Variants in BAZ2B observed in about 807,000 individuals in gnomAD.
BAZ2B encodes the protein bromodomain adjacent to zinc finger domain protein 2B.
A neutral mutation model predicts 246.0 loss-of-function variants in BAZ2B; 91 were observed. The observed-to-expected ratio is 0.37, with a 90% CI of 0.31 to 0.44. The LOEUF (loss-of-function observed/expected upper bound fraction) is 0.44. Among genes scored for constraint, BAZ2B ranks in the 20% least tolerant of loss-of-function variants. The pLI, the probability that BAZ2B is intolerant of heterozygous loss-of-function variation, is 1.00. For missense variants in BAZ2B, 2,332 were observed against 2,533.7 expected (o/e 0.92, Z 1.71); for synonymous variants, 855 against 860.0 (o/e 0.99, Z 0.10).
In BAZ2B at chr2:159,320,453, T is replaced by C. The variant is rs374903873; in HGVS notation, c.6354-35A>G. On this transcript the variant is annotated intron_variant, in intron 36 of 36. Coordinates refer to ENST00000392783, the MANE Select transcript of BAZ2B (RefSeq NM_013450.4). ...AACAAATAATTAGAGATTGCGTTCATAGAGTGGATTTGTTTTGTAAACAAA... is the reference window on the plus strand; with the variant it reads ...AACAAATAATTAGAGATTGCGTTCACAGAGTGGATTTGTTTTGTAAACAAA... 10 of 1,504,828 alleles carry C rather than the reference T, an allele frequency of 6.6e-6. No homozygotes were observed. The African/African-American group carries it at 8.7e-5, about 13-fold the overall frequency. 93.2% of individuals were successfully genotyped at this position (1,504,828 alleles called of 1,614,324 possible). A position where few individuals can be genotyped will look rare whatever the true frequency, so the allele number is the denominator to read the frequency against.
intron 3 of BAZ2B, among the ~76,000 whole-genome samples, chr2:159,458,171 C>T (rs1182680162): frequency 1.3e-5 from 2 of 151,682 alleles, no homozygotes; most frequent in Non-Finnish European, 2.9e-5. Context: ...CTACGTCCAG[C>T]TAATTTTTTT....
intron 22 of BAZ2B, 69 bp downstream of exon 22, chr2:159,386,280 TAATA>T: frequency 7.2e-7 from 1 of 1,384,310 alleles, no homozygotes; most frequent in Non-Finnish European, 9.7e-7. Flanking sequence ...AATCTTCTGC[TAATA>T]TGCTAAAGCT....
chr2:159,419,793 G>C (rs2068419268), intron 13 of BAZ2B: 1 of 152,204 alleles, frequency 6.6e-6, no homozygotes, highest in South Asian at 2.1e-4. Context: ...GTAGATTAGT[G>C]ACATAAATTT....
chr2:159,345,326 G>A (rs2067597743), intron 31 of BAZ2B, among the ~76,000 whole-genome samples: 1 of 125,764 alleles, frequency 8.0e-6, no homozygotes, highest in Admixed American at 9.0e-5. Context: ...GTAGCTAAAG[G>A]AGGATATTAT....
At chr2:159,711,683 T>C in the BAZ2B span, among the ~76,000 whole-genome samples, 2 of 152,360 alleles carry the variant, frequency 1.3e-5, no homozygotes, top group Non-Finnish European at 2.9e-5. Flanking sequence ...CATAGTTAGA[T>C]GTAGCTTTTC....
At position 159,398,898 on chromosome 2, in the gene BAZ2B, T is replaced by A; in HGVS notation, c.2899-4A>T. ...CTTCCTTCTTTTTCTTTTTAGCCTG[T>A]GCATGCAAAACAGGTCTCAAAGTCA... On this transcript the variant is annotated splice_polypyrimidine_tract_variant and splice_region_variant and intron_variant, in intron 17 of 36. Transcript: ENST00000392783. 1.9e-6 allele frequency: 3 copies of A among 1,609,160 alleles called. No individual in the cohort carries two copies. In the South Asian group the frequency reaches 3.3e-5, roughly 18 times the overall value.
At chr2:159,343,276 G>C (rs6432528) in intron 31 of BAZ2B, among the ~76,000 whole-genome samples, 140,165 of 152,240 alleles carry the variant, frequency 0.92, 65,659 homozygotes, top group East Asian at 1. Context: ...CAAAATAGAT[G>C]AAAGACTTAA....
chr2:159,354,973 T>G (rs953268964), intron 27 of BAZ2B, among the ~76,000 whole-genome samples: 3 of 152,232 alleles, frequency 2.0e-5, no homozygotes, highest in African/African-American at 7.2e-5. Flanking sequence ...AAAGAAGCTA[T>G]GTCTTCTTGA....
chr2:159,323,560 T>C lies in BAZ2B; in HGVS notation c.6353+1251A>G, dbSNP rs544433828. 3.0e-4 allele frequency among the ~76,000 whole-genome samples: 46 copies of C among 151,872 alleles called. 1 individual carries two copies. The highest frequency in any genetic ancestry group is 8.5e-4 in the Admixed American group (13 of 15,258). Reference sequence around the variant, plus strand: ...GTTCACGCCTGTAATCCCAGCACTTTAGGAGGTGGAGGTGGGCGGATCACC... The same window carrying C: ...GTTCACGCCTGTAATCCCAGCACTTCAGGAGGTGGAGGTGGGCGGATCACC... On this transcript the variant is annotated intron_variant, in intron 36 of 36. Coordinates refer to ENST00000392783, the MANE Select transcript of BAZ2B (RefSeq NM_013450.4).
At chr2:159,642,353 T>C in the BAZ2B span, among the ~76,000 whole-genome samples, 1 of 151,716 alleles carries the variant, frequency 6.6e-6, no homozygotes, top group Admixed American at 6.6e-5. Flanking sequence ...TTCTCCTGTC[T>C]CGGCCTCCCA....
intron 3 of BAZ2B, among the ~76,000 whole-genome samples, chr2:159,473,710 T>C (rs2078132407): frequency 6.6e-6 from 1 of 152,242 alleles, no homozygotes; most frequent in African/African-American, 2.4e-5. Context: ...TGCTATAAAT[T>C]TCCCTCTAAA....
chr2:159,531,321 A>AT (rs1207720693), intron 2 of BAZ2B, among the ~76,000 whole-genome samples: 1 of 152,022 alleles, frequency 6.6e-6, no homozygotes, highest in Admixed American at 6.6e-5. Context: ...TCTAAAAAAA[A>AT]TTTTTTTCGA....
intron 1 of BAZ2B, among the ~76,000 whole-genome samples, chr2:159,576,247 TA>T (rs1250006443): frequency 6.6e-6 from 1 of 152,024 alleles, no homozygotes; most frequent in East Asian, 1.9e-4. Context: ...TATACCCACC[TA>T]AAAGAATTCT....
rs776214814 is a variant in BAZ2B, at chr2:159,385,364, T to G, written c.3477A>C (p.Lys1159Asn). ...DPGLITGYKA[K>N]TALGEHLLNV... ...TCAGCAAATGTTCTCCAAGAGCTGT[T>G]TTAGCCTATAAAAGTTTGGCATTTT... is the stretch of plus-strand genomic sequence containing the variant. Residue 1159 changes from lysine (K) to asparagine (N), a missense_variant, in exon 23 of 37, where the codon AAA becomes AAC. This residue lies in a region of BAZ2B where 328 missense variants were observed against 410.4 expected (regional missense o/e 0.80). Coordinates refer to ENST00000392783, the MANE Select transcript of BAZ2B (RefSeq NM_013450.4). 1 of 1,611,826 alleles carries G rather than the reference T, an allele frequency of 6.2e-7. No homozygotes were observed. The highest frequency in any genetic ancestry group is 8.5e-7 in the Non-Finnish European group (1 of 1,179,212).
At chr2:159,703,453 A>T in the BAZ2B span, among the ~76,000 whole-genome samples, 1 of 148,568 alleles carries the variant, frequency 6.7e-6, no homozygotes, top group Non-Finnish European at 1.5e-5. Context: ...TACCTTAATA[A>T]ATGGACTTTA....
At chr2:159,406,689 A>G (rs1383586422) in intron 14 of BAZ2B, among the ~76,000 whole-genome samples, 1 of 152,166 alleles carries the variant, frequency 6.6e-6, no homozygotes, top group African/African-American at 2.4e-5. Context: ...CACGTGAATC[A>G]CTTGAGCTCT....
intron 13 of BAZ2B, among the ~76,000 whole-genome samples, chr2:159,419,576 T>G (rs148817439): frequency 6.6e-6 from 1 of 152,168 alleles, no homozygotes; most frequent in African/African-American, 2.4e-5. Context: ...GTAAGAACCA[T>G]GAGAAAAGGT....
Position 159,397,332 on chromosome 2 carries a change from T to C in BAZ2B, c.3009+13A>G. Reference sequence around the variant, plus strand: ...TGTACATTCAACAATTGTATAACTATACATATACAGACCTGATGTTTCAGA... The same window carrying C: ...TGTACATTCAACAATTGTATAACTACACATATACAGACCTGATGTTTCAGA... On this transcript the variant is annotated intron_variant, in intron 19 of 36. Transcript: ENST00000392783. The C allele has an allele frequency of 6.6e-7, 1 of 1,521,672 alleles. No individual in the cohort carries two copies. The highest frequency in any genetic ancestry group is 9.0e-7 in the Non-Finnish European group (1 of 1,114,612). The allele number at this position is 1,521,672 out of a possible 1,614,324, so 94.3% of individuals were successfully genotyped here. A position where few individuals can be genotyped will look rare whatever the true frequency, so the allele number is the denominator to read the frequency against.
intron 2 of BAZ2B, among the ~76,000 whole-genome samples, chr2:159,482,710 A>C (rs1283384722): frequency 6.6e-6 from 1 of 152,180 alleles, no homozygotes; most frequent in Admixed American, 6.5e-5. Flanking sequence ...AAATTTTCCA[A>C]ATAAGCTGAT....
Sources: allele counts gnomAD v4.1 joint callset (sites outside exome capture counted in the v4.1 genomes callset), GRCh38; gene constraint gnomAD v4.1.1; regional missense constraint gnomAD v4.1.1; transcripts MANE v1.5; gene names NCBI Gene and HGNC (gene_info 2026-07-23, HGNC 2026-07-21).